ZNF540: variants seen among roughly 807,000 people sequenced by gnomAD.
The protein encoded by ZNF540 is zinc finger protein 540, also known as CTD-3064H18.6.
ZNF540 carries 3 observed loss-of-function variants against 11.8 expected under a neutral mutation model. The observed-to-expected ratio is 0.25, with a 90% CI of 0.12 to 0.65. The LOEUF is 0.65. Among genes scored for constraint, ZNF540 ranks in the 30% least tolerant of loss-of-function variants. The pLI is 0.83. For missense variants in ZNF540, 709 were observed against 793.1 expected (o/e 0.89, Z 1.27); for synonymous variants, 247 against 259.0 (o/e 0.95, Z 0.45).
chr19:37,574,640 C>G (rs186734502), intron 1 of ZNF540, among the ~76,000 whole-genome samples: 2 of 152,198 alleles, frequency 1.3e-5, no homozygotes, highest in Admixed American at 1.3e-4. Context: ...TGGTTTATCA[C>G]CATACCTAAA....
In ZNF540 at chr19:37,613,397, GT is replaced by G; in HGVS notation, c.*136del. ...ATGTATGAGTCTTAAATACCTCTTA[GT>G]TCTCATTAAATTTAGGAAAATTCAC... On this transcript the variant is annotated 3_prime_UTR_variant, in exon 5 of 5. Transcript: ENST00000316433. 1.6e-6 allele frequency: 1 copy of G among 615,282 alleles called. No homozygotes were observed. Among genetic ancestry groups the G allele is most frequent in the Admixed American group, 3.6e-5 (1 of 27,564 alleles). 38.1% of individuals were successfully genotyped at this position (615,282 alleles called of 1,614,324 possible).
intron 1 of ZNF540, among the ~76,000 whole-genome samples, chr19:37,552,824 G>C (rs2042619800): frequency 6.6e-6 from 1 of 151,988 alleles, no homozygotes; most frequent in South Asian, 2.1e-4. Flanking sequence ...GCGTGCGCCT[G>C]TAGTCCCAGC....
chr19:37,558,814 CTA>C (rs34909186), intron 1 of ZNF540, among the ~76,000 whole-genome samples: 39,450 of 149,754 alleles, frequency 0.26, 6,241 homozygotes, highest in Non-Finnish European at 0.37. Flanking sequence ...CACAACTTCA[CTA>C]TATATATATA....
intron 1 of ZNF540, among the ~76,000 whole-genome samples, chr19:37,554,369 C>CT (rs1233638047): frequency 6.6e-6 from 1 of 152,146 alleles, no homozygotes. Flanking sequence ...AAAGTTTTCA[C>CT]TTTTTTCATA....
At chr19:37,578,550 A>C (rs1383036524) in intron 1 of ZNF540, among the ~76,000 whole-genome samples, 2 of 152,202 alleles carry the variant, frequency 1.3e-5, no homozygotes, top group Non-Finnish European at 2.9e-5. Context: ...GCTTGGTGCC[A>C]GCTGCCATAA....
chr19:37,574,994 CA>C (rs1255621884), intron 1 of ZNF540, among the ~76,000 whole-genome samples: 2 of 152,092 alleles, frequency 1.3e-5, no homozygotes, highest in African/African-American at 2.4e-5. Flanking sequence ...TTTTCAAAAT[CA>C]AAAATCACCT....
At chr19:37,567,709 C>T (rs1354453312) in intron 1 of ZNF540, 2 of 152,186 alleles carry the variant, frequency 1.3e-5, no homozygotes, top group East Asian at 3.8e-4. Context: ...GTCAGCTGCT[C>T]AGAAAGACTA....
upstream of ZNF540, among the ~76,000 whole-genome samples, chr19:37,592,024 G>A (rs2043883308): frequency 6.6e-6 from 1 of 152,118 alleles, no homozygotes; most frequent in African/African-American, 2.4e-5. Flanking sequence ...TTGGGAAGCT[G>A]AGGTGGGTGG....
intron 4 of ZNF540, among the ~76,000 whole-genome samples, chr19:37,608,117 T>C (rs970421731): frequency 2.0e-5 from 3 of 152,252 alleles, no homozygotes; most frequent in Non-Finnish European, 4.4e-5. Flanking sequence ...TGTTGCTTCA[T>C]ATATTGCTTC....
rs936574257 is a variant in ZNF540 at position 37,600,918 on chromosome 19, T to C, written c.137-92T>C. 6.5e-6 allele frequency: 7 copies of C among 1,073,232 alleles called. No individual in the cohort carries two copies. The Admixed American group carries it at 1.1e-4, about 17-fold the overall frequency. The allele number at this position is 1,073,232 out of a possible 1,614,324, so 66.5% of individuals were successfully genotyped here. On this transcript the variant is annotated intron_variant, in intron 3 of 4. Coordinates refer to ENST00000316433, the MANE Select transcript of ZNF540 (RefSeq NM_001172225.3). ...TTCCGAAGTCTTCATCGAAATCATG[T>C]TGATCCATATAAATTTAACCAAGTC...
Position 37,581,053 on chromosome 19 carries a change from T to C in ZNF540, c.-72-17323T>C, listed in dbSNP as rs575230803. On this transcript the variant is annotated intron_variant, in intron 1 of 4. Transcript: ENST00000592533. Reference sequence around the variant, plus strand: ...ATAATTCTAGCATTATTTACTTCAATTGAAATTTTTGAAATATGCCTATTC... The same window carrying C: ...ATAATTCTAGCATTATTTACTTCAACTGAAATTTTTGAAATATGCCTATTC... 3.9e-5 allele frequency among the ~76,000 whole-genome samples: 6 copies of C among 152,348 alleles called. No homozygotes were observed. The East Asian group carries it at 1.2e-3, about 29-fold the overall frequency.
upstream of ZNF540, among the ~76,000 whole-genome samples, chr19:37,592,573 A>G (rs1039817005): frequency 6.6e-6 from 1 of 152,232 alleles, no homozygotes; most frequent in African/African-American, 2.4e-5. Context: ...TTTAGGTGAA[A>G]AAAAGGAAAG....
In ZNF540 at chr19:37,599,636, C is replaced by T. The variant is rs771412976; in HGVS notation, c.20C>T (p.Thr7Met). The T allele has an allele frequency of 7.4e-6, 12 of 1,613,770 alleles. No homozygotes were observed. The highest frequency in any genetic ancestry group is 4.5e-5 in the East Asian group (2 of 44,876). Residue 7 changes from threonine to methionine, a missense_variant, in exon 3 of 5, where the codon ACG becomes ATG. Coordinates refer to ENST00000316433, the MANE Select transcript of ZNF540 (RefSeq NM_001172225.3). ...GGTTTATGGTTTCAGGCATTGGTGA[C>T]GTTCAGGGATGTGGCTATAGACTTC... The part of the protein sequence containing the change: MAHALV[T>M]FRDVAIDFSQ...
Position 37,553,007 on chromosome 19 carries a change from G to T in ZNF540, c.-73+1342G>T, listed in dbSNP as rs1600435751. ...GCCATTTTGGTATAGTGTTTGCATG[G>T]TGTTTTTTTTTTTTTTTTAACTTTT... On this transcript the variant is annotated intron_variant, in intron 1 of 4. Coordinates refer to the ZNF540 transcript ENST00000592533. Among the ~76,000 whole-genome samples, 9 of 45,244 alleles carry T rather than the reference G, an allele frequency of 2.0e-4. No homozygotes were observed. The South Asian group carries it at 9.9e-3, about 50-fold the overall frequency. 29.7% of individuals were successfully genotyped at this position (45,244 alleles called of 152,430 possible). A position where few individuals can be genotyped will look rare whatever the true frequency, so the allele number is the denominator to read the frequency against.
chr19:37,580,512 A>G (rs1432290286), intron 1 of ZNF540, among the ~76,000 whole-genome samples: 1 of 152,212 alleles, frequency 6.6e-6, no homozygotes, highest in East Asian at 1.9e-4. Context: ...ACCATCTGCT[A>G]TGGTTTGGAT....
chr19:37,583,859 TACTTCTACTCAA>T, intron 1 of ZNF540: 1 of 1,111,534 alleles, frequency 9.0e-7, no homozygotes, highest in Non-Finnish European at 1.3e-6. Context: ...TGTCCATTTC[TACTTCTACTCAA>T]ACGTAAGCCT....
At chr19:37,571,810 C>A (rs1568346884) in intron 1 of ZNF540, among the ~76,000 whole-genome samples, 1 of 152,176 alleles carries the variant, frequency 6.6e-6, no homozygotes, top group Admixed American at 6.5e-5. Context: ...ACTGACCTAG[C>A]CTTTTGCAAC....
intron 3 of ZNF540, among the ~76,000 whole-genome samples, chr19:37,600,020 G>A (rs969223445): frequency 6.6e-5 from 10 of 152,160 alleles, no homozygotes; most frequent in South Asian, 2.1e-4. Flanking sequence ...TGAATTTTGG[G>A]GCATTTACTC....
chr19:37,563,622 G>T (rs1285800737), intron 1 of ZNF540: 1 of 151,506 alleles, frequency 6.6e-6, no homozygotes, highest in African/African-American at 2.4e-5. Flanking sequence ...TACATGGAAT[G>T]TATACATATG....
Sources: gnomAD v4.1 joint callset for allele counts (sites outside exome capture counted in the v4.1 genomes callset) on GRCh38, gnomAD v4.1.1 for gene constraint, MANE v1.5 for transcripts, NCBI Gene and HGNC (gene_info 2026-07-23, HGNC 2026-07-21) for gene names.